Variants in PITPNM2 observed in about 807,000 individuals in gnomAD.
The protein encoded by PITPNM2 is phosphatidylinositol transfer protein membrane associated 2.
In PITPNM2, 35 loss-of-function variants were observed where a neutral mutation model predicts 132.2. The ratio of observed to expected loss-of-function variants is 0.26; its 90% CI spans 0.20 to 0.35. PITPNM2 has a LOEUF of 0.35. Ranked by LOEUF, PITPNM2 falls within the 10% of genes least tolerant of loss-of-function variation. PITPNM2 has a pLI of 1.00. For synonymous variants in PITPNM2, 738 were observed against 799.2 expected (o/e 0.92, Z 1.29); for missense variants, 1,332 against 1,912.0 (o/e 0.70, Z 5.66).
Position 122,996,856 on chromosome 12 carries a change from A to G in PITPNM2, c.1527T>C (p.Ile509=). ...CCAGCAGGGGGAGGGCAGCCAGGGG[A>G]ATGTGGTCCTGACTGCTGGACAGAC... ...EGCLSSSQDH[I]PLAALPLLAT... The change falls in exon 12 of 26, where the codon ATT becomes ATC. Residue 509 remains isoleucine, a synonymous_variant. Transcript: ENST00000320201. The G allele has an allele frequency of 2.5e-6, 4 of 1,597,126 alleles. No homozygotes were observed. Among genetic ancestry groups the G allele is most frequent in the Non-Finnish European group, 3.4e-6 (4 of 1,175,618 alleles).
At chr12:123,144,856 T>C (rs939983226) in intron 1 of PITPNM2, among the ~76,000 whole-genome samples, 1 of 152,200 alleles carries the variant, frequency 6.6e-6, no homozygotes. Context: ...TGAGCCACCA[T>C]GCCCGATCTC....
chr12:123,089,670 C>T (rs922931421), intron 2 of PITPNM2: 1 of 152,236 alleles, frequency 6.6e-6, no homozygotes, highest in African/African-American at 2.4e-5. Context: ...CTCATGCAAA[C>T]AAAGCCAGAG....
chr12:123,025,684 G>A (rs1290560573), intron 3 of PITPNM2, among the ~76,000 whole-genome samples: 1 of 151,902 alleles, frequency 6.6e-6, no homozygotes. Context: ...TGCCTGCCTC[G>A]GCCTCCCAAA....
intron 11 of PITPNM2, among the ~76,000 whole-genome samples, 155 bp downstream of exon 11, chr12:122,997,170 G>A (rs1033457389): frequency 1.8e-4 from 28 of 152,216 alleles, no homozygotes; most frequent in African/African-American, 5.5e-4. Flanking sequence ...CTTAGCCTGC[G>A]TGTATACGTT....
intron 1 of PITPNM2, among the ~76,000 whole-genome samples, chr12:123,132,004 G>A (rs533670589): frequency 6.6e-6 from 1 of 152,378 alleles, no homozygotes; most frequent in South Asian, 2.1e-4. Flanking sequence ...CATTCAGGCT[G>A]TCTGCATGAG....
chr12:123,088,857 C>T (rs2042185397), intron 2 of PITPNM2: 1 of 152,208 alleles, frequency 6.6e-6, no homozygotes, highest in South Asian at 2.1e-4. Context: ...CCCAGGGAAC[C>T]TTGTGTATGT....
chr12:123,086,785 G>A (rs1415250539), intron 2 of PITPNM2, among the ~76,000 whole-genome samples: 1 of 152,210 alleles, frequency 6.6e-6, no homozygotes. Context: ...AGGAGGCTCT[G>A]AGAAGAGTCT....
At chr12:123,129,307 G>A (rs1358954385) in intron 1 of PITPNM2, among the ~76,000 whole-genome samples, 3 of 152,052 alleles carry the variant, frequency 2.0e-5, no homozygotes, top group East Asian at 1.9e-4. Flanking sequence ...GGTGGCTCAC[G>A]CCTGTAATCC....
At chr12:123,027,547 C>A (rs969556382) in intron 3 of PITPNM2, among the ~76,000 whole-genome samples, 3 of 152,200 alleles carry the variant, frequency 2.0e-5, no homozygotes, top group African/African-American at 4.8e-5. Context: ...GAGCTGTCAT[C>A]TGGGGATGGG....
At position 123,108,194 on chromosome 12, in the gene PITPNM2, T is replaced by G. The variant is rs1043818597; in HGVS notation, c.-96+2191A>C. Among the ~76,000 whole-genome samples the G allele has an allele frequency of 2.6e-5, 4 of 152,156 alleles. No individual in the cohort carries two copies. The highest frequency in any genetic ancestry group is 2.9e-5 in the Non-Finnish European group (2 of 68,036). ...CTCTGGCAACTGGAATGGTCCCTGG[T>G]GCAAACTAAGTAACAATAAATACTT... On this transcript the variant is annotated intron_variant, in intron 2 of 25. Transcript: ENST00000320201. The surrounding 1 kb of genome is among the most constrained non-coding windows in gnomAD (Gnocchi z 4.4).
intron 3 of PITPNM2, among the ~76,000 whole-genome samples, chr12:123,019,115 C>T (rs1212571248): frequency 6.6e-6 from 1 of 152,082 alleles, no homozygotes; most frequent in Non-Finnish European, 1.5e-5. Context: ...GATGAAAGTG[C>T]TCTGGAATTA....
At chr12:123,131,776 A>G (rs2043268378) in intron 1 of PITPNM2, among the ~76,000 whole-genome samples, 1 of 152,192 alleles carries the variant, frequency 6.6e-6, no homozygotes. Flanking sequence ...GCCAACTGTG[A>G]CTGCTTACTG....
At position 122,994,914 on chromosome 12, in the gene PITPNM2, T is replaced by A. The variant is rs767770470; in HGVS notation, c.2120A>T (p.Asp707Val). 1 of 1,612,096 alleles carries A rather than the reference T, an allele frequency of 6.2e-7. No homozygotes were observed. The highest frequency in any genetic ancestry group is 2.2e-5 in the East Asian group (1 of 44,872). Residue 707 changes from aspartate to valine, a missense_variant, in exon 15 of 26, where the codon GAT becomes GTT. Coordinates refer to ENST00000320201, the MANE Select transcript of PITPNM2 (RefSeq NM_020845.3). This position sits in a 1 kb window ranked among gnomAD's most constrained non-coding sequence, Gnocchi z 5.4. ...AAACCTGCCCAGGGCACCTGTGCCA[T>A]CCAGCATGGTGGAGCTGCTGGAATG... ...SRHSSSSTML[D>V]GTGALGRFDF...
rs991733123 is a variant in PITPNM2, at chr12:123,040,168, G to A, written c.-95-5483C>T. Among the ~76,000 whole-genome samples the A allele has an allele frequency of 5.3e-5, 8 of 152,236 alleles. No homozygotes were observed. In the South Asian group the frequency reaches 1.7e-3, roughly 32 times the overall value. Reference sequence around the variant, plus strand: ...AGTTTATTATTAAAAAAAAATTAATGACTTTAACCTTTTAAAAGTTTTTCT... The same window carrying A: ...AGTTTATTATTAAAAAAAAATTAATAACTTTAACCTTTTAAAAGTTTTTCT... On this transcript the variant is annotated intron_variant, in intron 2 of 25. Transcript: ENST00000320201.
chr12:123,081,860 T>C (rs2041976017), intron 2 of PITPNM2: 1 of 152,190 alleles, frequency 6.6e-6, no homozygotes, highest in Non-Finnish European at 1.5e-5. Context: ...ACCCCTCTCC[T>C]GTCCCAGACC....
In PITPNM2 at chr12:122,986,781, G is replaced by A. The variant is rs771043271; in HGVS notation, c.3462C>T (p.Pro1154=). The change falls in exon 24 of 26, where the codon CCC becomes CCT. Residue 1154 remains proline, a synonymous_variant. Transcript: ENST00000320201. ...CCACCACCCGCTGCTTCTGCATGTC[G>A]GGCCGGCCCGTCACGTAGATGATGA... is the stretch of plus-strand genomic sequence containing the variant. The part of the protein sequence containing the change: ...GYLIIYVTGR[P]DMQKQRVVAW... 6.8e-6 allele frequency: 11 copies of A among 1,613,466 alleles called. No individual in the cohort carries two copies. In the South Asian group the frequency reaches 7.7e-5, roughly 11 times the overall value.
rs1225046655 is a variant in PITPNM2, at chr12:122,986,037, C to CCCG, written c.4037_4039dup (p.Ala1346dup). ...TGCACTCACGGTGCCCTACTTGGGG[C>CCCG]CCGCGGCTGCCCCCGGCTCCAGGCG... On this transcript the variant is annotated inframe_insertion, in exon 26 of 26. Coordinates refer to ENST00000320201, the MANE Select transcript of PITPNM2 (RefSeq NM_020845.3). 2 of 1,402,248 alleles carry CCCG rather than the reference C, an allele frequency of 1.4e-6. No individual in the cohort carries two copies. The highest frequency in any genetic ancestry group is 1.5e-5 in the African/African-American group (1 of 65,500). 86.9% of individuals were successfully genotyped at this position (1,402,248 alleles called of 1,614,324 possible).
chr12:123,064,461 G>A lies in PITPNM2; in HGVS notation c.-95-29776C>T, dbSNP rs1592985147. Among the ~76,000 whole-genome samples, 1 of 152,228 alleles carries A rather than the reference G, an allele frequency of 6.6e-6. No homozygotes were observed. Among genetic ancestry groups the A allele is most frequent in the East Asian group, 1.9e-4 (1 of 5,200 alleles). ...GGGCTGGGGGTGGCACAGGGCAGGG[G>A]AGCTGAGGGGAGTAGGGAACCAAGA... is the stretch of plus-strand genomic sequence containing the variant. On this transcript the variant is annotated intron_variant, in intron 2 of 25. Coordinates refer to ENST00000320201, the MANE Select transcript of PITPNM2 (RefSeq NM_020845.3). This position sits in a 1 kb window ranked among gnomAD's most constrained non-coding sequence, Gnocchi z 4.0.
At chr12:123,151,401 G>A (rs912543413), upstream of PITPNM2, among the ~76,000 whole-genome samples, 11 of 152,212 alleles carry the variant, frequency 7.2e-5, no homozygotes, top group Non-Finnish European at 1.3e-4. Flanking sequence ...GCACTCGGGG[G>A]CGGGAACCGG....
Sources: allele counts gnomAD v4.1 joint callset (sites outside exome capture counted in the v4.1 genomes callset), GRCh38; gene constraint gnomAD v4.1.1; non-coding constraint Gnocchi (gnomAD v3.1); transcripts MANE v1.5; gene names NCBI Gene and HGNC (gene_info 2026-07-23, HGNC 2026-07-21).